FOXD2: variants seen among roughly 807,000 people sequenced by gnomAD.
FOXD2 encodes forkhead box D2.
A neutral mutation model predicts 6.4 loss-of-function variants in FOXD2; 4 were observed. That is an observed-to-expected ratio of 0.62 (90% CI 0.31 to 1.42). FOXD2 has a LOEUF of 1.42. FOXD2 is among the 40% of genes most tolerant of loss of function. The pLI is 0.08. For synonymous variants in FOXD2, 393 were observed against 373.6 expected (o/e 1.05, Z -0.60); for missense variants, 709 against 766.8 (o/e 0.92, Z 0.89).
rs1200877722 is a variant in FOXD2, at chr1:47,438,181, TC to T, written c.50del (p.Pro17ArgfsTer11). 1 of 1,463,974 alleles carries T rather than the reference TC, an allele frequency of 6.8e-7. No homozygotes were observed. The highest frequency in any genetic ancestry group is 9.0e-7 in the Non-Finnish European group (1 of 1,113,696). 90.7% of individuals were successfully genotyped at this position (1,463,974 alleles called of 1,614,324 possible). A position where few individuals can be genotyped will look rare whatever the true frequency, so the allele number is the denominator to read the frequency against. On this transcript the variant is annotated frameshift_variant, in exon 1 of 1. Transcript: ENST00000334793. LOFTEE classifies it low-confidence loss of function (END_TRUNC). ...CCCEIMSSES[S>X]PAALSEADAD... The stretch of plus-strand genomic sequence containing the variant: ...CTGCGAGATCATGTCCTCCGAGAGC[TC>T]CCCGGCCGCGCTGTCCGAGGCCGAC...
Position 47,438,892 on chromosome 1 carries a change from C to G in FOXD2, c.757C>G (p.Pro253Ala), listed in dbSNP as rs752179544. ...TGGCGGGGCCGCGGCGGCGGGGGAT[C>G]CCGGCGCTTTCCTGCCCGGCTTCGC... ...LRGGAAAAGD[P>A]GAFLPGFAAY... The change falls in exon 1 of 1, where the codon CCC (proline) becomes GCC (alanine). Residue 253 changes from proline to alanine, a missense_variant. By Grantham distance (27) the Pro-to-Ala change is conservative (BLOSUM62 -1). This residue lies in a region of FOXD2 where 98 missense variants were observed against 91.0 expected (regional missense o/e 1.08). Transcript: ENST00000334793. 39 of 1,560,242 alleles carry G rather than the reference C, an allele frequency of 2.5e-5. No homozygotes were observed. The highest frequency in any genetic ancestry group is 2.9e-5 in the Non-Finnish European group (34 of 1,154,072).
Position 47,438,324 on chromosome 1 carries a change from C to G in FOXD2, c.189C>G (p.Ala63=). 2 of 1,296,612 alleles carry G rather than the reference C, an allele frequency of 1.5e-6. No homozygotes were observed. The highest frequency in any genetic ancestry group is 2.0e-6 in the Non-Finnish European group (2 of 1,021,220). 80.3% of individuals were successfully genotyped at this position (1,296,612 alleles called of 1,614,324 possible). ...GCCACGAGCCTCCCGCGGAGGAAGC[C>G]GAGGCAGACTTAGCCGAGGACGAGG... ...PHGHEPPAEE[A]EADLAEDEEE... Residue 63 remains alanine, a synonymous_variant, in exon 1 of 1, where the codon GCC becomes GCG. Transcript: ENST00000334793.
rs747572734 is a variant in FOXD2, at chr1:47,438,494, C to A, written c.359C>A (p.Ala120Glu). The change falls in exon 1 of 1, where the codon GCG becomes GAG. Residue 120 changes from alanine (A) to glutamate (E), a missense_variant. Around this residue, in one of 5 missense-constraint regions of FOXD2, gnomAD observed 220 missense variants for 199.2 expected, o/e 1.10. Transcript: ENST00000334793. ...CCGGGACCGCCGTCGGGGGGCGCGG[C>A]GACGCGGAGCCCGCTGGTGAAGCCG... is the stretch of plus-strand genomic sequence containing the variant. The part of the protein sequence containing the change: ...PGPGPPSGGA[A>E]TRSPLVKPPY... The A allele has an allele frequency of 4.8e-5, 76 of 1,578,294 alleles. No individual in the cohort carries two copies. The South Asian group carries it at 8.4e-4, about 17-fold the overall frequency.
rs1237477158 is a variant in FOXD2 at position 47,439,456 on chromosome 1, G to A, written c.1321G>A (p.Ala441Thr). 5.2e-6 allele frequency: 8 copies of A among 1,541,864 alleles called. No homozygotes were observed. Among genetic ancestry groups the A allele is most frequent in the Non-Finnish European group, 7.0e-6 (8 of 1,147,906 alleles). Reference protein sequence around the residue: ...GEGSPGPPFAAAAGPGGQAQV... With the variant: ...GEGSPGPPFATAAGPGGQAQV... ...GGGCTCTCCGGGACCGCCATTCGCGGCAGCCGCGGGTCCTGGGGGCCAAGC... is the reference window on the plus strand; with the variant it reads ...GGGCTCTCCGGGACCGCCATTCGCGACAGCCGCGGGTCCTGGGGGCCAAGC... The change falls in exon 1 of 1, where the codon GCA becomes ACA. Residue 441 changes from alanine to threonine, a missense_variant. By Grantham distance (58) the Ala-to-Thr change is moderately conservative. Coordinates refer to ENST00000334793, the MANE Select transcript of FOXD2 (RefSeq NM_004474.4).
rs1246799694 is a variant in FOXD2 at position 47,440,593 on chromosome 1, C to G, written c.*970C>G. 1.8e-5 allele frequency: 3 copies of G among 167,190 alleles called. No individual in the cohort carries two copies. The allele number at this position is 167,190 out of a possible 1,614,324, so 10.4% of individuals were successfully genotyped here. A position where few individuals can be genotyped will look rare whatever the true frequency, so the allele number is the denominator to read the frequency against. On this transcript the variant is annotated 3_prime_UTR_variant, in exon 1 of 1. Transcript: ENST00000334793. ...TTTAAACTTCTCCACTGTGGGGAAGCTCTGTGAAATCGTCTGATGGTCTGT... is the reference window on the plus strand; with the variant it reads ...TTTAAACTTCTCCACTGTGGGGAAGGTCTGTGAAATCGTCTGATGGTCTGT...
chr1:47,439,237 G>C lies in FOXD2; in HGVS notation c.1102G>C (p.Ala368Pro), dbSNP rs2405913. The part of the protein sequence containing the change: ...AELGCAKAFY[A>P]ASLSPPAAGT... The stretch of plus-strand genomic sequence containing the variant: ...GCTGGGCTGCGCCAAAGCCTTCTAC[G>C]CGGCGTCCCTGAGTCCTCCCGCAGC... Residue 368 changes from alanine (A) to proline (P), a missense_variant, in exon 1 of 1, where the codon GCG (alanine) becomes CCG (proline). This residue lies in a region of FOXD2 where 322 missense variants were observed against 313.8 expected (regional missense o/e 1.03). Coordinates refer to ENST00000334793, the MANE Select transcript of FOXD2 (RefSeq NM_004474.4). 1,498,628 of 1,498,650 alleles carry C rather than the reference G, an allele frequency of 1. 749,303 individuals are homozygous for C. The highest frequency in any genetic ancestry group is 1 in the Middle Eastern group (4,658 of 4,658). The allele number at this position is 1,498,650 out of a possible 1,614,324, so 92.8% of individuals were successfully genotyped here.
chr1:47,439,263 C>G lies in FOXD2; in HGVS notation c.1128C>G (p.Ala376=), dbSNP rs1396381433. Residue 376 remains alanine (A), a synonymous_variant, in exon 1 of 1, where the codon GCC becomes GCG. Coordinates refer to ENST00000334793, the MANE Select transcript of FOXD2 (RefSeq NM_004474.4). ...CGGCGTCCCTGAGTCCTCCCGCAGC[C>G]GGCACCGCGGCGGGTCTGCCCACCG... ...FYAASLSPPA[A]GTAAGLPTAL... is the part of the protein sequence containing the mutation. The G allele has an allele frequency of 2.0e-6, 3 of 1,504,482 alleles. No individual in the cohort carries two copies. Among genetic ancestry groups the G allele is most frequent in the Non-Finnish European group, 2.6e-6 (3 of 1,138,354 alleles). 93.2% of individuals were successfully genotyped at this position (1,504,482 alleles called of 1,614,324 possible).
chr1:47,438,744 G>C lies in FOXD2; in HGVS notation c.609G>C (p.Leu203=). 6.2e-7 allele frequency: 1 copy of C among 1,613,922 alleles called. No homozygotes were observed. The highest frequency in any genetic ancestry group is 8.5e-7 in the Non-Finnish European group (1 of 1,179,948). The change falls in exon 1 of 1, where the codon CTG becomes CTC. Residue 203 remains leucine, a synonymous_variant. Transcript: ENST00000334793. ...CGGGCAAGGGCAACTACTGGACGCTGGACCCGGAGTCGGCCGACATGTTCG... is the reference window on the plus strand; with the variant it reads ...CGGGCAAGGGCAACTACTGGACGCTCGACCCGGAGTCGGCCGACATGTTCG... ...GNPGKGNYWT[L]DPESADMFDN...
Position 47,438,134 on chromosome 1 carries a change from C to G in FOXD2, c.-2C>G, listed in dbSNP as rs1646984510. ...AGTGGCGGCGGCGGCGGCAGCGGCA[C>G]CATGACCCTGGGCAGCTGCTGCTGC... is the stretch of plus-strand genomic sequence containing the variant. On this transcript the variant is annotated 5_prime_UTR_variant, in exon 1 of 1. Transcript: ENST00000334793. The G allele has an allele frequency of 1.4e-6, 2 of 1,432,438 alleles. No individual in the cohort carries two copies. The allele number at this position is 1,432,438 out of a possible 1,614,324, so 88.7% of individuals were successfully genotyped here.
Position 47,439,626 on chromosome 1 carries a change from G to T in FOXD2, c.*3G>T, listed in dbSNP as rs560841182. On this transcript the variant is annotated 3_prime_UTR_variant, in exon 1 of 1. Coordinates refer to ENST00000334793, the MANE Select transcript of FOXD2 (RefSeq NM_004474.4). Reference sequence around the variant, plus strand: ...GCCTTAGTGGCTGCCACTTCTGACCGCAGCAGGCCCAGGGCCGGTTAGGTC... The same window carrying T: ...GCCTTAGTGGCTGCCACTTCTGACCTCAGCAGGCCCAGGGCCGGTTAGGTC... 6 of 1,549,372 alleles carry T rather than the reference G, an allele frequency of 3.9e-6. No individual in the cohort carries two copies. The highest frequency in any genetic ancestry group is 2.7e-5 in the African/African-American group (2 of 72,896).
In FOXD2 at chr1:47,439,396, G is replaced by C; in HGVS notation, c.1261G>C (p.Gly421Arg). Reference protein sequence around the residue: ...SFSIDHIMGHGGGGAAPPGAG... With the variant: ...SFSIDHIMGHRGGGAAPPGAG... ...CTCTATAGACCACATCATGGGCCAC[G>C]GTGGCGGCGGGGCAGCACCCCCGGG... The change falls in exon 1 of 1, where the codon GGT becomes CGT. Residue 421 changes from glycine (G) to arginine (R), a missense_variant. Around this residue, in one of 5 missense-constraint regions of FOXD2, gnomAD observed 322 missense variants for 313.8 expected, o/e 1.03. Coordinates refer to ENST00000334793, the MANE Select transcript of FOXD2 (RefSeq NM_004474.4). 4 of 1,545,096 alleles carry C rather than the reference G, an allele frequency of 2.6e-6. No individual in the cohort carries two copies. Among genetic ancestry groups the C allele is most frequent in the Non-Finnish European group, 3.5e-6 (4 of 1,155,910 alleles).
rs1396381433 is a variant in FOXD2 at position 47,439,263 on chromosome 1, C to T, written c.1128C>T (p.Ala376=). Residue 376 remains alanine (A), a synonymous_variant, in exon 1 of 1, where the codon GCC becomes GCT. Coordinates refer to ENST00000334793, the MANE Select transcript of FOXD2 (RefSeq NM_004474.4). ...CGGCGTCCCTGAGTCCTCCCGCAGCCGGCACCGCGGCGGGTCTGCCCACCG... is the reference window on the plus strand; with the variant it reads ...CGGCGTCCCTGAGTCCTCCCGCAGCTGGCACCGCGGCGGGTCTGCCCACCG... ...FYAASLSPPA[A]GTAAGLPTAL... is the part of the protein sequence containing the mutation. The T allele has an allele frequency of 1.3e-6, 2 of 1,504,374 alleles. No individual in the cohort carries two copies. The highest frequency in any genetic ancestry group is 1.5e-5 in the African/African-American group (1 of 68,940). 93.2% of individuals were successfully genotyped at this position (1,504,374 alleles called of 1,614,324 possible).
rs753662926 is a variant in FOXD2 at position 47,439,475 on chromosome 1, G to T, written c.1340G>T (p.Gly447Val). Residue 447 changes from glycine to valine, a missense_variant, in exon 1 of 1, where the codon GGC becomes GTC. Gly to Val is a moderately radical substitution (Grantham distance 109, BLOSUM62 -3). Coordinates refer to ENST00000334793, the MANE Select transcript of FOXD2 (RefSeq NM_004474.4). Reference sequence around the variant, plus strand: ...TTCGCGGCAGCCGCGGGTCCTGGGGGCCAAGCCCAGGTCTTGGCCATGCTG... The same window carrying T: ...TTCGCGGCAGCCGCGGGTCCTGGGGTCCAAGCCCAGGTCTTGGCCATGCTG... Reference protein sequence around the residue: ...PPFAAAAGPGGQAQVLAMLTA... With the variant: ...PPFAAAAGPGVQAQVLAMLTA... 2 of 1,546,414 alleles carry T rather than the reference G, an allele frequency of 1.3e-6. No individual in the cohort carries two copies. The highest frequency in any genetic ancestry group is 1.7e-6 in the Non-Finnish European group (2 of 1,148,408).
Position 47,438,309 on chromosome 1 carries a change from TC to T in FOXD2, c.177del (p.Ala60ArgfsTer8). The T allele has an allele frequency of 7.7e-7, 1 of 1,302,894 alleles. No homozygotes were observed. The allele number at this position is 1,302,894 out of a possible 1,614,324, so 80.7% of individuals were successfully genotyped here. On this transcript the variant is annotated frameshift_variant, in exon 1 of 1. Coordinates refer to ENST00000334793, the MANE Select transcript of FOXD2 (RefSeq NM_004474.4). LOFTEE classifies it low-confidence loss of function (END_TRUNC). ...RDVLPHGHEP[P>X]AEEAEADLAE... ...ACGTGCTCCCCCACGGCCACGAGCC[TC>T]CCGCGGAGGAAGCCGAGGCAGACTT...
rs2124084807 is a variant in FOXD2, at chr1:47,439,276, G to T, written c.1141G>T (p.Gly381Cys). The T allele has an allele frequency of 6.7e-7, 1 of 1,502,564 alleles. No individual in the cohort carries two copies. Among genetic ancestry groups the T allele is most frequent in the Non-Finnish European group, 8.8e-7 (1 of 1,137,660 alleles). The allele number at this position is 1,502,564 out of a possible 1,614,324, so 93.1% of individuals were successfully genotyped here. The change falls in exon 1 of 1, where the codon GGT becomes TGT. Residue 381 changes from glycine to cysteine, a missense_variant. Physicochemically the swap from Gly to Cys is radical, Grantham distance 159. This residue lies in a region of FOXD2 where 322 missense variants were observed against 313.8 expected (regional missense o/e 1.03). Coordinates refer to ENST00000334793, the MANE Select transcript of FOXD2 (RefSeq NM_004474.4). Reference protein sequence around the residue: ...LSPPAAGTAAGLPTALLRQGL... With the variant: ...LSPPAAGTAACLPTALLRQGL... ...TCCTCCCGCAGCCGGCACCGCGGCGGGTCTGCCCACCGCACTTCTGCGCCA... is the reference window on the plus strand; with the variant it reads ...TCCTCCCGCAGCCGGCACCGCGGCGTGTCTGCCCACCGCACTTCTGCGCCA...
Position 47,438,114 on chromosome 1 carries a change from C to G in FOXD2, c.-22C>G. On this transcript the variant is annotated 5_prime_UTR_variant, in exon 1 of 1. Transcript: ENST00000334793. ...CTGCCGGAGCGGAGCCGGAGAGTGG[C>G]GGCGGCGGCGGCAGCGGCACCATGA... 2 of 1,374,422 alleles carry G rather than the reference C, an allele frequency of 1.5e-6. No homozygotes were observed. Among genetic ancestry groups the G allele is most frequent in the Middle Eastern group, 2.7e-4 (1 of 3,744 alleles). The allele number at this position is 1,374,422 out of a possible 1,614,324, so 85.1% of individuals were successfully genotyped here.
At position 47,438,822 on chromosome 1, in the gene FOXD2, G is replaced by A. The variant is rs1646989425; in HGVS notation, c.687G>A (p.Pro229=). Reference sequence around the variant, plus strand: ...AGCGCTTCAAGCGGCAGCCCCTGCCGCCGCCGCACCCACACCCGCACCCTC... The same window carrying A: ...AGCGCTTCAAGCGGCAGCCCCTGCCACCGCCGCACCCACACCCGCACCCTC... ...RRKRFKRQPL[P]PPHPHPHPHP... Residue 229 remains proline (P), a synonymous_variant, in exon 1 of 1, where the codon CCG becomes CCA. Transcript: ENST00000334793. 3 of 1,611,562 alleles carry A rather than the reference G, an allele frequency of 1.9e-6. No homozygotes were observed. The highest frequency in any genetic ancestry group is 4.5e-5 in the East Asian group (2 of 44,772).
rs1449439159 is a variant in FOXD2 at position 47,438,500 on chromosome 1, G to C, written c.365G>C (p.Arg122Pro). ...CCGCCGTCGGGGGGCGCGGCGACGC[G>C]GAGCCCGCTGGTGAAGCCGCCCTAC... ...PGPPSGGAAT[R>P]SPLVKPPYSY... Residue 122 changes from arginine to proline, a missense_variant, in exon 1 of 1, where the codon CGG becomes CCG. This residue lies in a region of FOXD2 where 220 missense variants were observed against 199.2 expected (regional missense o/e 1.10). Transcript: ENST00000334793. The C allele has an allele frequency of 6.3e-7, 1 of 1,584,650 alleles. No individual in the cohort carries two copies. The highest frequency in any genetic ancestry group is 1.4e-5 in the African/African-American group (1 of 72,236).
chr1:47,438,131 G>T lies in FOXD2; in HGVS notation c.-5G>T. 3 of 1,422,244 alleles carry T rather than the reference G, an allele frequency of 2.1e-6. No homozygotes were observed. The highest frequency in any genetic ancestry group is 1.8e-6 in the Non-Finnish European group (2 of 1,091,534). 88.1% of individuals were successfully genotyped at this position (1,422,244 alleles called of 1,614,324 possible). ...GAGAGTGGCGGCGGCGGCGGCAGCGGCACCATGACCCTGGGCAGCTGCTGC... is the reference window on the plus strand; with the variant it reads ...GAGAGTGGCGGCGGCGGCGGCAGCGTCACCATGACCCTGGGCAGCTGCTGC... On this transcript the variant is annotated 5_prime_UTR_variant, in exon 1 of 1. Transcript: ENST00000334793.
Sources: allele counts gnomAD v4.1 joint callset, GRCh38; gene constraint gnomAD v4.1.1; regional missense constraint gnomAD v4.1.1; transcripts MANE v1.5; gene names NCBI Gene and HGNC (gene_info 2026-07-23, HGNC 2026-07-21).